CDC14B: variants seen among roughly 807,000 people sequenced by gnomAD.
CDC14B encodes dual specificity protein phosphatase CDC14B.
Under a neutral mutation model 64.2 loss-of-function variants are expected in CDC14B, and 22 were observed. That is an observed-to-expected ratio of 0.34 (90% CI 0.24 to 0.49). The LOEUF (loss-of-function observed/expected upper bound fraction) is 0.49. Among genes scored for constraint, CDC14B ranks in the 20% least tolerant of loss-of-function variants. The probability of loss-of-function intolerance (pLI) is 0.99; values close to 1 mark genes in which losing one functional copy is unlikely to be tolerated. For missense variants in CDC14B, 498 were observed against 629.9 expected, an observed-to-expected ratio of 0.79 and a Z score of 2.24; for synonymous variants, 191 against 215.8, an observed-to-expected ratio of 0.89 and a Z score of 1.01.
intron 1 of CDC14B, among the ~76,000 whole-genome samples, chr9:96,592,808 G>GA (rs1427332057): frequency 4.5e-4 from 69 of 152,020 alleles, no homozygotes; most frequent in African/African-American, 1.6e-3. Context: ...TGCTAAACAA[G>GA]GACATTAATA....
chr9:96,594,362 G>A lies in CDC14B; in HGVS notation c.160+24857C>T, dbSNP rs546793548. Among the ~76,000 whole-genome samples the A allele has an allele frequency of 2.9e-4, 44 of 152,248 alleles. 1 individual carries two copies. The South Asian group carries it at 8.9e-3, about 31-fold the overall frequency. ...AGAGAACCCTAGAGATTTGCAAAGG[G>A]TCCAAAGTATCCAACAGAATCCAAC... On this transcript the variant is annotated intron_variant, in intron 1 of 13. Coordinates refer to ENST00000375241, the MANE Select transcript of CDC14B (RefSeq NM_033331.4).
chr9:96,522,684 A>G, intron 11 of CDC14B, 81 bp from the exon 12 acceptor site: 1 of 870,760 alleles, frequency 1.1e-6, no homozygotes, highest in East Asian at 2.5e-5. Context: ...ATTTATCCAC[A>G]TGAACACAGT....
chr9:96,607,413 C>CTTTTTTT (rs999912549), intron 1 of CDC14B, among the ~76,000 whole-genome samples: 6 of 66,352 alleles, frequency 9.0e-5, no homozygotes, highest in African/African-American at 1.8e-4. Context: ...AACGTGATGT[C>CTTTTTTT]TTTTTTTTTT....
intron 4 of CDC14B, among the ~76,000 whole-genome samples, chr9:96,553,507 C>G (rs2087733390): frequency 6.6e-6 from 1 of 151,886 alleles, no homozygotes; most frequent in African/African-American, 2.4e-5. Context: ...TATAGGCGTG[C>G]ACCACCACGC....
At position 96,520,648 on chromosome 9, in the gene CDC14B, A is replaced by G. The variant is rs1325985124; in HGVS notation, c.1343+1858T>C. ...TGACTTTTGAACAGCAGGCAACAAA[A>G]TATTAAAACATAAACTGATGATGCT... On this transcript the variant is annotated intron_variant, in intron 12 of 13. Coordinates refer to ENST00000375241, the MANE Select transcript of CDC14B (RefSeq NM_033331.4). Among the ~76,000 whole-genome samples, 5 of 152,346 alleles carry G rather than the reference A, an allele frequency of 3.3e-5. 1 individual carries two copies. Among genetic ancestry groups the G allele is most frequent in the Middle Eastern group, 6.8e-3 (2 of 294 alleles).
intron 1 of CDC14B, among the ~76,000 whole-genome samples, chr9:96,616,403 A>T (rs532009210): frequency 2.4e-4 from 37 of 152,022 alleles, no homozygotes; most frequent in African/African-American, 7.5e-4. Context: ...GAAGGAGGAA[A>T]AACATTACCA....
At chr9:96,614,182 A>T (rs1847487707) in intron 1 of CDC14B, among the ~76,000 whole-genome samples, 1 of 152,196 alleles carries the variant, frequency 6.6e-6, no homozygotes, top group South Asian at 2.1e-4. Context: ...AACCACCAAG[A>T]ATCTTTTAGC....
downstream of CDC14B, among the ~76,000 whole-genome samples, chr9:96,496,837 T>C (rs1482569921): frequency 1.3e-5 from 2 of 152,126 alleles, no homozygotes; most frequent in African/African-American, 4.8e-5. Context: ...TTCTCTGTCC[T>C]GTGTACTGCC....
At chr9:96,583,369 A>ATTT (rs936391898) in intron 1 of CDC14B, among the ~76,000 whole-genome samples, 111 of 122,538 alleles carry the variant, frequency 9.1e-4, no homozygotes, top group East Asian at 8.7e-3. Context: ...GGTTGTATTT[A>ATTT]TTTATTATTA....
intron 1 of CDC14B, among the ~76,000 whole-genome samples, chr9:96,603,427 T>A (rs570559870): frequency 2.6e-5 from 4 of 152,224 alleles, no homozygotes; most frequent in Non-Finnish European, 2.9e-5. Flanking sequence ...TTGGCCACAT[T>A]TGAAAAATAC....
chr9:96,535,921 AAAAGG>A (rs1370686490), intron 7 of CDC14B, among the ~76,000 whole-genome samples: 1 of 152,232 alleles, frequency 6.6e-6, no homozygotes, highest in Non-Finnish European at 1.5e-5. Flanking sequence ...AAATAAAAAG[AAAAGG>A]AAAGGTCAAA....
intron 13 of CDC14B, among the ~76,000 whole-genome samples, chr9:96,493,963 C>G (rs1053891826): frequency 6.6e-6 from 1 of 152,242 alleles, no homozygotes; most frequent in African/African-American, 2.4e-5. Context: ...CCAGTGCTGC[C>G]TTTTCAAAGA....
At chr9:96,563,674 A>G (rs1024273734) in intron 3 of CDC14B, among the ~76,000 whole-genome samples, 1 of 151,712 alleles carries the variant, frequency 6.6e-6, no homozygotes, top group African/African-American at 2.4e-5. Flanking sequence ...AAAAAAAAAA[A>G]AGGAAGAAGA....
In CDC14B at chr9:96,619,263, G is replaced by C; in HGVS notation, c.116C>G (p.Pro39Arg). The change falls in exon 1 of 14, where the codon CCG (proline) becomes CGG (arginine). Residue 39 changes from proline to arginine, a missense_variant. By Grantham distance (103) the Pro-to-Arg change is moderately radical (BLOSUM62 -2). Transcript: ENST00000375241. ...KKIRSSTQQD[P>R]RRRDPQDDVY... is the part of the protein sequence containing the mutation. ...GTCGTCCTGGGGGTCCCGGCGGCGC[G>C]GGTCTTGCTGCGTGGAGCTGCGGAT... The C allele has an allele frequency of 7.3e-7, 1 of 1,362,260 alleles. No individual in the cohort carries two copies. The highest frequency in any genetic ancestry group is 1.5e-5 in the African/African-American group (1 of 66,818). 84.4% of individuals were successfully genotyped at this position (1,362,260 alleles called of 1,614,324 possible). A position where few individuals can be genotyped will look rare whatever the true frequency, so the allele number is the denominator to read the frequency against.
intron 7 of CDC14B, 39 bp downstream of exon 7, chr9:96,539,039 G>T: frequency 7.7e-7 from 1 of 1,303,926 alleles, no homozygotes; most frequent in South Asian, 1.2e-5. Context: ...AGCTGGGCGG[G>T]GGGAGGAAGA....
intron 1 of CDC14B, among the ~76,000 whole-genome samples, chr9:96,579,400 A>C (rs1043059073): frequency 6.6e-6 from 1 of 151,954 alleles, no homozygotes; most frequent in African/African-American, 2.4e-5. Flanking sequence ...ATCCTGGCTA[A>C]CACAGTGAAA....
chr9:96,605,989 A>G (rs533768215), intron 1 of CDC14B, among the ~76,000 whole-genome samples: 58 of 152,156 alleles, frequency 3.8e-4, no homozygotes, highest in Middle Eastern at 3.4e-3. Flanking sequence ...TAGCTTTTAT[A>G]GCATTAAACA....
In CDC14B at chr9:96,501,061, G is replaced by A. The variant is rs368906646; in HGVS notation, c.*2692C>T. Reference sequence around the variant, plus strand: ...TCAGAACAGGGGAATTCTGGAGGCCGCAGAGCTGCGTGCTGCCGGGAAGCA... The same window carrying A: ...TCAGAACAGGGGAATTCTGGAGGCCACAGAGCTGCGTGCTGCCGGGAAGCA... On this transcript the variant is annotated 3_prime_UTR_variant, in exon 14 of 14. Transcript: ENST00000375241. 3 of 152,328 alleles carry A rather than the reference G, an allele frequency of 2.0e-5. No homozygotes were observed. Among genetic ancestry groups the A allele is most frequent in the South Asian group, 2.1e-4 (1 of 4,832 alleles). 9.4% of individuals were successfully genotyped at this position (152,328 alleles called of 1,614,324 possible).
At position 96,593,995 on chromosome 9, in the gene CDC14B, C is replaced by G. The variant is rs1845921282; in HGVS notation, c.160+25224G>C. Among the ~76,000 whole-genome samples the G allele has an allele frequency of 3.9e-5, 6 of 152,222 alleles. No individual in the cohort carries two copies. The South Asian group carries it at 1.2e-3, about 32-fold the overall frequency. On this transcript the variant is annotated intron_variant, in intron 1 of 13. Coordinates refer to ENST00000375241, the MANE Select transcript of CDC14B (RefSeq NM_033331.4). ...GAAAATAAAAACAAAAAATCTGTAA[C>G]AAAACATAAGATTTCCAATACTAGA...
Sources: gnomAD v4.1 joint callset for allele counts (sites outside exome capture counted in the v4.1 genomes callset) on GRCh38, gnomAD v4.1.1 for gene constraint, MANE v1.5 for transcripts, NCBI Gene and HGNC (gene_info 2026-07-23, HGNC 2026-07-21) for gene names.